The following C1orf167 variants were observed in gnomAD, a reference collection of about 807,000 sequenced individuals.
C1orf167 encodes chromosome 1 open reading frame 167, also known as uncharacterized protein C1orf167.
C1orf167 carries 153 observed loss-of-function variants against 176.5 expected under a neutral mutation model. The observed-to-expected ratio is 0.87, with a 90% confidence interval of 0.76 to 0.99. The LOEUF (loss-of-function observed/expected upper bound fraction) is 0.99, where lower values mean the gene tolerates loss of function less well. Ranked by LOEUF, C1orf167 falls within the 50% of genes least tolerant of loss-of-function variation. C1orf167 has a pLI of 0.00. For synonymous variants in C1orf167, 594 were observed against 752.7 expected (o/e 0.79, Z 3.45); for missense variants, 1,490 against 1,817.7 (o/e 0.82, Z 3.28).
At chr1:11,765,425 C>G (rs1203127074) in intron 2 of C1orf167, among the ~76,000 whole-genome samples, 1 of 152,120 alleles carries the variant, frequency 6.6e-6, no homozygotes, top group Non-Finnish European at 1.5e-5. Context: ...CACCCCAGCC[C>G]ACTGCCCCCA....
intron 1 of C1orf167, among the ~76,000 whole-genome samples, chr1:11,763,711 C>T (rs1389724965): frequency 1.3e-5 from 2 of 152,106 alleles, no homozygotes; most frequent in East Asian, 1.9e-4. Flanking sequence ...ACAGGATCAC[C>T]CTGCCGCCGC....
At chr1:11,769,150 GC>G (rs1195500732) in intron 6 of C1orf167, 23 bp downstream of exon 6, 1 of 985,948 alleles carries the variant, frequency 1.0e-6, no homozygotes, top group Non-Finnish European at 1.2e-6. Flanking sequence ...TGCCTGGGAA[GC>G]CGGTGGCCTT....
At chr1:11,788,402 CACTG>C (rs1643964302) in intron 19 of C1orf167, 24 bp downstream of exon 19, 1 of 1,276,322 alleles carries the variant, frequency 7.8e-7, no homozygotes, top group Non-Finnish European at 1.0e-6. Flanking sequence ...CCCCTCTCCA[CACTG>C]ACCATCTCCC....
In C1orf167 at chr1:11,765,995, G is replaced by A. The variant is rs1033841056; in HGVS notation, c.209G>A (p.Arg70Gln). The change falls in exon 3 of 21, where the codon CGA (arginine) becomes CAA (glutamine). Residue 70 changes from arginine to glutamine, a missense_variant. Transcript: ENST00000688073. ...PGAVLDQEPC[R>Q]VQTNLASPGP... ...GCAGTGCTAGACCAGGAGCCCTGCC[G>A]AGTCCAGACCAACCTGGCCAGCCCT... 36 of 1,289,196 alleles carry A rather than the reference G, an allele frequency of 2.8e-5. No individual in the cohort carries two copies. The highest frequency in any genetic ancestry group is 3.3e-5 in the Non-Finnish European group (33 of 988,490). The allele number at this position is 1,289,196 out of a possible 1,614,324, so 79.9% of individuals were successfully genotyped here. A position where few individuals can be genotyped will look rare whatever the true frequency, so the allele number is the denominator to read the frequency against.
chr1:11,770,912 C>A (rs964820077), intron 6 of C1orf167, among the ~76,000 whole-genome samples: 1 of 150,284 alleles, frequency 6.7e-6, no homozygotes, highest in African/African-American at 2.5e-5. Context: ...TCAAGCAATT[C>A]TCATGCCTCA....
At chr1:11,772,356 C>A in intron 8 of C1orf167, 97 bp downstream of exon 8, 2 of 1,089,578 alleles carry the variant, frequency 1.8e-6, no homozygotes, top group Non-Finnish European at 2.4e-6. Context: ...CCTCCACCTC[C>A]CTGGCTCAAG....
intron 10 of C1orf167, 121 bp downstream of exon 10, chr1:11,776,759 C>A: frequency 1.1e-6 from 1 of 930,610 alleles, no homozygotes; most frequent in Non-Finnish European, 1.4e-6. Flanking sequence ...TAACTGCATC[C>A]CACTCCTCCC....
Position 11,769,129 on chromosome 1 carries a change from T to C in C1orf167, c.1697+2T>C, listed in dbSNP as rs1295629415. ...GAGAAGCAGGCTGGAACACACCAGG[T>C]TGGTCAGTGTTGCCTGGGAAGCCGG... On this transcript the variant is annotated splice_donor_variant, in intron 6 of 20. Coordinates refer to ENST00000688073, the MANE Select transcript of C1orf167 (RefSeq NM_001010881.2). LOFTEE classifies it high-confidence loss of function. The C allele has an allele frequency of 1.0e-6, 1 of 985,738 alleles. No individual in the cohort carries two copies. The highest frequency in any genetic ancestry group is 1.2e-6 in the Non-Finnish European group (1 of 829,960). The allele number at this position is 985,738 out of a possible 1,614,324, so 61.1% of individuals were successfully genotyped here. A position where few individuals can be genotyped will look rare whatever the true frequency, so the allele number is the denominator to read the frequency against.
At position 11,778,971 on chromosome 1, in the gene C1orf167, C is replaced by T. The variant is rs1229817122; in HGVS notation, c.2542C>T (p.Leu848=). 7.7e-7 allele frequency: 1 copy of T among 1,303,912 alleles called. No homozygotes were observed. Among genetic ancestry groups the T allele is most frequent in the Admixed American group, 2.3e-5 (1 of 43,526 alleles). The allele number at this position is 1,303,912 out of a possible 1,614,324, so 80.8% of individuals were successfully genotyped here. The change falls in exon 12 of 21, where the codon CTG becomes TTG. Residue 848 remains leucine, a synonymous_variant. Coordinates refer to ENST00000688073, the MANE Select transcript of C1orf167 (RefSeq NM_001010881.2). ...CCCGGACACTCTCCAGGGGAGCCTTCTGTGGGCAGCTGGGCAGCGGCAGCA... is the reference window on the plus strand; with the variant it reads ...CCCGGACACTCTCCAGGGGAGCCTTTTGTGGGCAGCTGGGCAGCGGCAGCA... ...TLPDTLQGSL[L]WAAGQRQQGQ... is the part of the protein sequence containing the mutation.
Position 11,779,867 on chromosome 1 carries a change from G to A in C1orf167, c.2717G>A (p.Arg906Gln), listed in dbSNP as rs1326592734. 9 of 1,303,184 alleles carry A rather than the reference G, an allele frequency of 6.9e-6. No homozygotes were observed. Among genetic ancestry groups the A allele is most frequent in the Admixed American group, 2.3e-5 (1 of 43,554 alleles). 80.7% of individuals were successfully genotyped at this position (1,303,184 alleles called of 1,614,324 possible). A position where few individuals can be genotyped will look rare whatever the true frequency, so the allele number is the denominator to read the frequency against. Residue 906 changes from arginine (R) to glutamine (Q), a missense_variant, in exon 13 of 21, where the codon CGG (arginine) becomes CAG (glutamine). By Grantham distance (43) the Arg-to-Gln change is conservative. Coordinates refer to ENST00000688073, the MANE Select transcript of C1orf167 (RefSeq NM_001010881.2). Reference sequence around the variant, plus strand: ...GCCTGGAGAGAGCTGGCTTCCCACCGGGCCTGGGATCGGACCTGCAGGGCT... The same window carrying A: ...GCCTGGAGAGAGCTGGCTTCCCACCAGGCCTGGGATCGGACCTGCAGGGCT... ...QWAWRELASH[R>Q]AWDRTCRAVL...
At position 11,775,596 on chromosome 1, in the gene C1orf167, G is replaced by A; in HGVS notation, c.2150G>A (p.Cys717Tyr). 1 of 1,302,972 alleles carries A rather than the reference G, an allele frequency of 7.7e-7. No homozygotes were observed. The highest frequency in any genetic ancestry group is 1.0e-6 in the Non-Finnish European group (1 of 988,396). 80.7% of individuals were successfully genotyped at this position (1,302,972 alleles called of 1,614,324 possible). A position where few individuals can be genotyped will look rare whatever the true frequency, so the allele number is the denominator to read the frequency against. Residue 717 changes from cysteine (C) to tyrosine (Y), a missense_variant, in exon 9 of 21, where the codon TGC becomes TAC. Transcript: ENST00000688073. ...GCAAAGGTGACCCAGCTGTCCCTCT[G>A]CCGGCAGAAAGCAGGTGAGCTAGTG... ...DGAKVTQLSL[C>Y]RQKAGREAVY... is the part of the protein sequence containing the mutation.
At position 11,768,189 on chromosome 1, in the gene C1orf167, C is replaced by T; in HGVS notation, c.1456C>T (p.Leu486Phe). The change falls in exon 5 of 21, where the codon CTT becomes TTT. Residue 486 changes from leucine (L) to phenylalanine (F), a missense_variant. By Grantham distance (22) the Leu-to-Phe change is conservative (BLOSUM62 0). Coordinates refer to ENST00000688073, the MANE Select transcript of C1orf167 (RefSeq NM_001010881.2). This position sits in a 1 kb window ranked among gnomAD's most constrained non-coding sequence, Gnocchi z 4.5. Reference protein sequence around the residue: ...LGRWQLLRKCLQALWLREAQL... With the variant: ...LGRWQLLRKCFQALWLREAQL... ...CCGCTGGCAGCTGTTGCGAAAGTGC[C>T]TTCAGGCCTTGTGGCTCCGGGAGGC... The T allele has an allele frequency of 1.6e-6, 2 of 1,289,766 alleles. No individual in the cohort carries two copies. The highest frequency in any genetic ancestry group is 2.0e-6 in the Non-Finnish European group (2 of 988,758). 79.9% of individuals were successfully genotyped at this position (1,289,766 alleles called of 1,614,324 possible). A position where few individuals can be genotyped will look rare whatever the true frequency, so the allele number is the denominator to read the frequency against.
chr1:11,769,152 C>T (rs1352354650), intron 6 of C1orf167, 25 bp downstream of exon 6: 2 of 985,804 alleles, frequency 2.0e-6, no homozygotes, highest in Admixed American at 6.2e-5. Context: ...CCTGGGAAGC[C>T]GGTGGCCTTT....
At chr1:11,778,568 T>C (rs1317338587) in intron 10 of C1orf167, 92 bp from the exon 11 acceptor site, 3 of 1,116,746 alleles carry the variant, frequency 2.7e-6, no homozygotes, top group Non-Finnish European at 2.3e-6. Flanking sequence ...CCCATCTCTT[T>C]CACAGCGGCC....
rs1413138703 is a variant in C1orf167, at chr1:11,762,201, C to A, written c.-175C>A. 2.0e-5 allele frequency: 9 copies of A among 448,512 alleles called. No homozygotes were observed. Among genetic ancestry groups the A allele is most frequent in the Non-Finnish European group, 4.1e-5 (9 of 221,174 alleles). The allele number at this position is 448,512 out of a possible 1,614,324, so 27.8% of individuals were successfully genotyped here. On this transcript the variant is annotated 5_prime_UTR_variant, in exon 1 of 21. Coordinates refer to ENST00000688073, the MANE Select transcript of C1orf167 (RefSeq NM_001010881.2). ...AGCACGCTCTGCTCTCCGACGTCCC[C>A]TCCCGCCCGCGACCTGCCGACCTGC...
chr1:11,762,248 C>G lies in C1orf167; in HGVS notation c.-128C>G, dbSNP rs72856862. 4.6e-6 allele frequency: 2 copies of G among 435,826 alleles called. No individual in the cohort carries two copies. Among genetic ancestry groups the G allele is most frequent in the Non-Finnish European group, 9.3e-6 (2 of 214,552 alleles). The allele number at this position is 435,826 out of a possible 1,614,324, so 27.0% of individuals were successfully genotyped here. A position where few individuals can be genotyped will look rare whatever the true frequency, so the allele number is the denominator to read the frequency against. On this transcript the variant is annotated 5_prime_UTR_variant, in exon 1 of 21. Transcript: ENST00000688073. ...CTGCGGGGATCGTTAGCGGTCCCAG[C>G]CCCCGTCTAGATTCAAATCCGACTG...
At chr1:11,774,369 A>G (rs1643215178) in intron 8 of C1orf167, among the ~76,000 whole-genome samples, 1 of 152,162 alleles carries the variant, frequency 6.6e-6, no homozygotes, top group South Asian at 2.1e-4. Flanking sequence ...TGTAAACTAT[A>G]GGCTCCCCTT....
chr1:11,769,324 C>T (rs1375383319), intron 6 of C1orf167, among the ~76,000 whole-genome samples, 197 bp downstream of exon 6: 4 of 152,204 alleles, frequency 2.6e-5, no homozygotes, highest in Non-Finnish European at 4.4e-5. Context: ...GTGGCTCACA[C>T]CTATAATCCC....
At chr1:11,780,103 G>A in intron 13 of C1orf167, 93 bp downstream of exon 13, 1 of 979,496 alleles carries the variant, frequency 1.0e-6, no homozygotes, top group South Asian at 1.8e-5. Context: ...CAACTTGACT[G>A]TAACCGCATG....
Sources: gnomAD v4.1 joint callset for allele counts (sites outside exome capture counted in the v4.1 genomes callset) on GRCh38, gnomAD v4.1.1 for gene constraint, Gnocchi (gnomAD v3.1) non-coding constraint, MANE v1.5 for transcripts, NCBI Gene and HGNC (gene_info 2026-07-23, HGNC 2026-07-21) for gene names.